SNCAIP: variants seen among roughly 807,000 people sequenced by gnomAD.
SNCAIP encodes synuclein alpha interacting protein.
In SNCAIP, 43 loss-of-function variants were observed where a neutral mutation model predicts 86.7. That is an observed-to-expected ratio of 0.50 (90% CI 0.39 to 0.64). SNCAIP has a LOEUF of 0.64. Ranked by LOEUF, SNCAIP falls within the 30% of genes least tolerant of loss-of-function variation. The pLI is 0.00. For synonymous variants in SNCAIP, 417 were observed against 427.2 expected (o/e 0.98, Z 0.29); for missense variants, 981 against 1,103.1 (o/e 0.89, Z 1.57).
chr5:122,415,655 G>T (rs1775156836), intron 3 of SNCAIP, among the ~76,000 whole-genome samples: 1 of 152,204 alleles, frequency 6.6e-6, no homozygotes, highest in Non-Finnish European at 1.5e-5. Flanking sequence ...GTAACTCAGA[G>T]TCCTTTGTCC....
chr5:122,451,653 G>C, intron 10 of SNCAIP, 52 bp downstream of exon 10: 1 of 1,292,098 alleles, frequency 7.7e-7, no homozygotes, highest in Admixed American at 1.7e-5. Flanking sequence ...GGATTATGTT[G>C]TTCCTAATAT....
intron 6 of SNCAIP, among the ~76,000 whole-genome samples, chr5:122,434,063 C>T (rs1330225828): frequency 6.6e-6 from 1 of 152,152 alleles, no homozygotes; most frequent in Admixed American, 6.5e-5. Flanking sequence ...AGTCAAAGAA[C>T]ATCTCTACTG....
intron 1 of SNCAIP, among the ~76,000 whole-genome samples, chr5:122,363,509 T>G (rs1762582348): frequency 6.6e-6 from 1 of 152,114 alleles, no homozygotes; most frequent in South Asian, 2.1e-4. Flanking sequence ...CCCCTTGCCA[T>G]ACCTTACCTG....
intron 1 of SNCAIP, among the ~76,000 whole-genome samples, chr5:122,316,009 T>G (rs1240353061): frequency 1.3e-5 from 2 of 152,102 alleles, no homozygotes; most frequent in Admixed American, 6.5e-5. Flanking sequence ...AATAGAAAAA[T>G]CAATAAGGGA....
intron 3 of SNCAIP, among the ~76,000 whole-genome samples, chr5:122,413,468 A>G (rs912028943): frequency 6.6e-6 from 1 of 152,132 alleles, no homozygotes; most frequent in African/African-American, 2.4e-5. Context: ...TGAGGTTCTC[A>G]TCTGTTTTCT....
intron 10 of SNCAIP, among the ~76,000 whole-genome samples, chr5:122,461,431 C>T (rs937736044): frequency 6.6e-6 from 1 of 152,066 alleles, no homozygotes; most frequent in Non-Finnish European, 1.5e-5. Flanking sequence ...TCTCCAATTT[C>T]TCTGTTCCCT....
chr5:122,355,400 T>C (rs763080358), intron 1 of SNCAIP, among the ~76,000 whole-genome samples: 1 of 152,138 alleles, frequency 6.6e-6, no homozygotes. Context: ...AGCAATCCTA[T>C]GCCAATGTTG....
intron 2 of SNCAIP, among the ~76,000 whole-genome samples, chr5:122,395,831 A>C (rs907086459): frequency 6.6e-6 from 1 of 152,142 alleles, no homozygotes; most frequent in African/African-American, 2.4e-5. Flanking sequence ...AAAGGTATTC[A>C]AGGTACAAAG....
At chr5:122,364,757 A>C (rs1286017504) in intron 1 of SNCAIP, among the ~76,000 whole-genome samples, 3 of 152,096 alleles carry the variant, frequency 2.0e-5, no homozygotes, top group Non-Finnish European at 4.4e-5. Context: ...TATTTCAATA[A>C]ATTTTAAAAA....
At position 122,412,323 on chromosome 5, in the gene SNCAIP, T is replaced by C. The variant is rs560581456; in HGVS notation, c.130+8458T>C. 5.3e-5 allele frequency among the ~76,000 whole-genome samples: 8 copies of C among 152,280 alleles called. No individual in the cohort carries two copies. In the South Asian group the frequency reaches 8.3e-4, roughly 16 times the overall value. ...CCCAACTTCCTATTTACCTTAAACA[T>C]CCCTAGTATGATTTCCATCTCTCTA... On this transcript the variant is annotated intron_variant, in intron 3 of 10. Coordinates refer to ENST00000261368, the MANE Select transcript of SNCAIP (RefSeq NM_005460.4).
At chr5:122,434,692 A>G (rs1363589187) in intron 6 of SNCAIP, among the ~76,000 whole-genome samples, 1 of 152,194 alleles carries the variant, frequency 6.6e-6, no homozygotes, top group East Asian at 1.9e-4. Context: ...ATAGAAGCCC[A>G]TTAGAACTGC....
At position 122,463,532 on chromosome 5, in the gene SNCAIP, T is replaced by C. The variant is rs2065477993; in HGVS notation, c.*36T>C. 1.2e-6 allele frequency: 2 copies of C among 1,609,816 alleles called. No homozygotes were observed. Among genetic ancestry groups the C allele is most frequent in the Non-Finnish European group, 1.7e-6 (2 of 1,176,908 alleles). Reference sequence around the variant, plus strand: ...AGAAAAATGAAGAAATCCTACAGCATAAAGCACATTGCTGAGCCAGAGTCA... The same window carrying C: ...AGAAAAATGAAGAAATCCTACAGCACAAAGCACATTGCTGAGCCAGAGTCA... On this transcript the variant is annotated 3_prime_UTR_variant, in exon 11 of 11. Transcript: ENST00000261368.
chr5:122,394,817 C>T (rs949897373), intron 2 of SNCAIP, among the ~76,000 whole-genome samples: 2 of 152,178 alleles, frequency 1.3e-5, no homozygotes, highest in African/African-American at 4.8e-5. Context: ...TTGGCCGTGC[C>T]GCACACTGAG....
chr5:122,408,768 A>G (rs1166344512), intron 3 of SNCAIP, among the ~76,000 whole-genome samples: 1 of 152,154 alleles, frequency 6.6e-6, no homozygotes, highest in Non-Finnish European at 1.5e-5. Context: ...CACAGGTGCT[A>G]TTGAGGTTTC....
At chr5:122,367,621 C>T (rs1330977528) in intron 1 of SNCAIP, among the ~76,000 whole-genome samples, 1 of 152,034 alleles carries the variant, frequency 6.6e-6, no homozygotes, top group East Asian at 1.9e-4. Context: ...GGGGGAATTT[C>T]CCACAACTGT....
At chr5:122,390,959 G>A (rs1246918888) in intron 1 of SNCAIP, 130 bp from the exon 2 acceptor site, 3 of 626,362 alleles carry the variant, frequency 4.8e-6, no homozygotes, top group African/African-American at 3.7e-5. Context: ...TTGAAGGAAG[G>A]AAATGTGCTC....
intron 1 of SNCAIP, chr5:122,321,206 A>G (rs1752862523): frequency 6.6e-6 from 1 of 152,240 alleles, no homozygotes; most frequent in African/African-American, 2.4e-5. Context: ...TACCCAATAT[A>G]GCCAAAATGG....
chr5:122,332,403 C>G (rs1755550674), intron 1 of SNCAIP, among the ~76,000 whole-genome samples: 1 of 152,184 alleles, frequency 6.6e-6, no homozygotes, highest in South Asian at 2.1e-4. Context: ...TGTAATGAAA[C>G]AAGTCACTGG....
chr5:122,409,777 C>T lies in SNCAIP; in HGVS notation c.130+5912C>T, dbSNP rs867531569. Among the ~76,000 whole-genome samples the T allele has an allele frequency of 7.2e-5, 11 of 152,210 alleles. 1 individual carries two copies. The South Asian group carries it at 1.0e-3, about 14-fold the overall frequency. Reference sequence around the variant, plus strand: ...TAAGCCAGCACCTAAAATAAGTTGACATGAAATTTGTCCTGTAGATGCTGT... The same window carrying T: ...TAAGCCAGCACCTAAAATAAGTTGATATGAAATTTGTCCTGTAGATGCTGT... On this transcript the variant is annotated intron_variant, in intron 3 of 10. Transcript: ENST00000261368.
Sources: allele counts gnomAD v4.1 joint callset (sites outside exome capture counted in the v4.1 genomes callset), GRCh38; gene constraint gnomAD v4.1.1; transcripts MANE v1.5; gene names NCBI Gene and HGNC (gene_info 2026-07-23, HGNC 2026-07-21).